Variants in HACD2 observed in about 807,000 individuals in gnomAD.
HACD2 encodes the protein 3-hydroxyacyl-CoA dehydratase 2, also known as very-long-chain (3R)-3-hydroxyacyl-CoA dehydratase 2.
In HACD2, 15 loss-of-function variants were observed where a neutral mutation model predicts 31.0. The observed-to-expected ratio is 0.48, with a 90% confidence interval of 0.32 to 0.75. HACD2 has a LOEUF of 0.75. Among genes scored for constraint, HACD2 ranks in the 30% least tolerant of loss-of-function variants. The pLI, the probability that HACD2 is intolerant of heterozygous loss-of-function variation, is 0.03. For synonymous variants in HACD2, 115 were observed against 122.2 expected (o/e 0.94, Z 0.39); for missense variants, 283 against 313.0 (o/e 0.90, Z 0.72).
At chr3:123,542,593 C>A (rs1267368748) in intron 3 of HACD2, among the ~76,000 whole-genome samples, 1 of 152,230 alleles carries the variant, frequency 6.6e-6, no homozygotes, top group Non-Finnish European at 1.5e-5. Flanking sequence ...ATGCCAACGG[C>A]ATAAGCCAAA....
intron 3 of HACD2, among the ~76,000 whole-genome samples, chr3:123,561,186 C>T (rs1008617566): frequency 3.9e-5 from 6 of 152,234 alleles, no homozygotes; most frequent in Middle Eastern, 3.4e-3. Flanking sequence ...GTCTCCCTAG[C>T]GGCTGCTCTG....
chr3:123,543,522 G>C (rs1228022720), intron 3 of HACD2, among the ~76,000 whole-genome samples: 2 of 152,194 alleles, frequency 1.3e-5, no homozygotes, highest in Non-Finnish European at 2.9e-5. Flanking sequence ...GGGTGGGAAA[G>C]AGACTCACTT....
At chr3:123,563,044 A>G (rs1016748865) in intron 3 of HACD2, among the ~76,000 whole-genome samples, 3 of 152,238 alleles carry the variant, frequency 2.0e-5, no homozygotes, top group Non-Finnish European at 4.4e-5. Flanking sequence ...TGGTAAGATG[A>G]TGATCAAATA....
chr3:123,532,107 G>C (rs974879929), intron 3 of HACD2, among the ~76,000 whole-genome samples: 1 of 152,180 alleles, frequency 6.6e-6, no homozygotes, highest in Non-Finnish European at 1.5e-5. Flanking sequence ...GCCTGTCTTA[G>C]CACACCTTTG....
intron 2 of HACD2, among the ~76,000 whole-genome samples, chr3:123,570,743 G>A (rs986550905): frequency 6.6e-6 from 1 of 152,112 alleles, no homozygotes; most frequent in Non-Finnish European, 1.5e-5. Flanking sequence ...AAAAGACCTT[G>A]AAAACGTATT....
At chr3:123,559,400 T>C (rs1019395082) in intron 3 of HACD2, among the ~76,000 whole-genome samples, 1 of 152,250 alleles carries the variant, frequency 6.6e-6, no homozygotes, top group African/African-American at 2.4e-5. Flanking sequence ...CACTCATACT[T>C]TGGCACGTTT....
chr3:123,514,899 G>C (rs1346432780), intron 4 of HACD2, among the ~76,000 whole-genome samples: 2 of 152,188 alleles, frequency 1.3e-5, no homozygotes, highest in South Asian at 4.1e-4. Flanking sequence ...AACTATTTTA[G>C]TATGTATAAA....
intron 2 of HACD2, among the ~76,000 whole-genome samples, chr3:123,572,430 C>G (rs1409725370): frequency 6.6e-6 from 1 of 152,144 alleles, no homozygotes; most frequent in Non-Finnish European, 1.5e-5. Flanking sequence ...ATCACTTGAG[C>G]CCAAGAGGTT....
chr3:123,511,881 A>T (rs2056067914), intron 4 of HACD2, among the ~76,000 whole-genome samples: 2 of 151,772 alleles, frequency 1.3e-5, no homozygotes, highest in Non-Finnish European at 2.9e-5. Flanking sequence ...ACCTGGGGAG[A>T]GGGTGAGTAA....
intron 4 of HACD2, among the ~76,000 whole-genome samples, chr3:123,508,408 A>C (rs2056005870): frequency 6.6e-6 from 1 of 152,230 alleles, no homozygotes; most frequent in Admixed American, 6.5e-5. Context: ...AGCTGGAGAA[A>C]CAAATGGGTG....
intron 6 of HACD2, chr3:123,499,471 C>T: frequency 2.7e-6 from 1 of 364,430 alleles, no homozygotes. Context: ...AGAACTGTAT[C>T]CAAGAATTTC....
intron 1 of HACD2, among the ~76,000 whole-genome samples, chr3:123,582,648 T>G (rs1442549557): frequency 6.6e-6 from 1 of 152,068 alleles, no homozygotes; most frequent in Non-Finnish European, 1.5e-5. Context: ...TGCCACTAAA[T>G]CAGGTGCCAA....
intron 3 of HACD2, among the ~76,000 whole-genome samples, chr3:123,540,100 AAAG>A (rs2056471954): frequency 6.6e-6 from 1 of 151,270 alleles, no homozygotes; most frequent in South Asian, 2.1e-4. Flanking sequence ...AAAAAAAAGA[AAAG>A]AAAAGAAAGA....
At chr3:123,576,164 C>T (rs567372982) in intron 2 of HACD2, among the ~76,000 whole-genome samples, 2 of 152,094 alleles carry the variant, frequency 1.3e-5, no homozygotes, top group Non-Finnish European at 2.9e-5. Flanking sequence ...TGGAAACTCC[C>T]GCCTTTTTTG....
chr3:123,500,556 T>C lies in HACD2; in HGVS notation c.641A>G (p.Tyr214Cys). The C allele has an allele frequency of 3.7e-6, 6 of 1,610,292 alleles. No individual in the cohort carries two copies. Among genetic ancestry groups the C allele is most frequent in the Non-Finnish European group, 5.1e-6 (6 of 1,176,678 alleles). Residue 214 changes from tyrosine to cysteine, a missense_variant, in exon 6 of 7, where the codon TAC becomes TGC. Coordinates refer to ENST00000383657, the MANE Select transcript of HACD2 (RefSeq NM_198402.5). The part of the protein sequence containing the change: ...LPNKYNFSFD[Y>C]YAFLILIMIS... ...CATTATTAGAATCAGGAATGCATAG[T>C]AGTCAAAAGAGAAATTGTATTTGTT...
At chr3:123,573,449 G>A (rs1372920265) in intron 2 of HACD2, among the ~76,000 whole-genome samples, 1 of 152,108 alleles carries the variant, frequency 6.6e-6, no homozygotes, top group Admixed American at 6.6e-5. Context: ...GTAAATTTGG[G>A]AAGAATAAAT....
intron 4 of HACD2, among the ~76,000 whole-genome samples, chr3:123,525,119 T>C (rs1448555043): frequency 1.3e-5 from 2 of 152,244 alleles, no homozygotes; most frequent in Non-Finnish European, 2.9e-5. Flanking sequence ...TTGGTGAGAA[T>C]GTAAGTTAAG....
chr3:123,528,398 A>G lies in HACD2; in HGVS notation c.369T>C (p.His123=), dbSNP rs374581565. 1 of 1,604,116 alleles carries G rather than the reference A, an allele frequency of 6.2e-7. No homozygotes were observed. Among genetic ancestry groups the G allele is most frequent in the Non-Finnish European group, 8.5e-7 (1 of 1,170,962 alleles). ...TATAAACACTTACCTCTTTGACGCT[A>G]TGTGTTACTGCCCATATTAGAAAAA... ...SRVFLIWAVT[H]SVKEVQSEDS... The change falls in exon 4 of 7, where the codon CAT becomes CAC. Residue 123 remains histidine, a synonymous_variant. Transcript: ENST00000383657.
At chr3:123,521,808 A>G (rs913072799) in intron 4 of HACD2, among the ~76,000 whole-genome samples, 1 of 152,226 alleles carries the variant, frequency 6.6e-6, no homozygotes, top group Non-Finnish European at 1.5e-5. Flanking sequence ...TGTATAAAGT[A>G]CAGTATAAAG....
Sources: gnomAD v4.1 joint callset for allele counts (sites outside exome capture counted in the v4.1 genomes callset) on GRCh38, gnomAD v4.1.1 for gene constraint, MANE v1.5 for transcripts, NCBI Gene and HGNC (gene_info 2026-07-23, HGNC 2026-07-21) for gene names.